The following CCDC73 variants were observed in gnomAD, a reference collection of about 807,000 sequenced individuals.
CCDC73 encodes the protein coiled-coil domain containing 73, also known as coiled-coil domain-containing protein 73.
In CCDC73, 95 loss-of-function variants were observed where a neutral mutation model predicts 116.5. The ratio of observed to expected loss-of-function variants is 0.82; its 90% CI spans 0.69 to 0.97. The LOEUF (loss-of-function observed/expected upper bound fraction) is 0.97. Among genes scored for constraint, CCDC73 ranks in the 50% least tolerant of loss-of-function variants. The pLI is 0.00. For missense variants in CCDC73, 1,066 were observed against 1,206.8 expected (o/e 0.88, Z 1.73); for synonymous variants, 398 against 401.3 (o/e 0.99, Z 0.10).
intron 3 of CCDC73, among the ~76,000 whole-genome samples, chr11:32,704,217 C>T (rs1249463548): frequency 6.6e-6 from 1 of 152,236 alleles, no homozygotes; most frequent in Admixed American, 6.5e-5. Flanking sequence ...TCCCTGCACT[C>T]TGCATTCTCT....
chr11:32,693,568 G>A (rs953086781), intron 6 of CCDC73, among the ~76,000 whole-genome samples: 1 of 152,110 alleles, frequency 6.6e-6, no homozygotes, highest in Non-Finnish European at 1.5e-5. Flanking sequence ...CATTTTATGA[G>A]GCCAGCATCA....
At chr11:32,810,855 G>GCA in the CCDC73 span, among the ~76,000 whole-genome samples, 1 of 152,000 alleles carries the variant, frequency 6.6e-6, no homozygotes, top group Non-Finnish European at 1.5e-5. Flanking sequence ...CTGAGGCCAG[G>GCA]CACAGTGGCT....
intron 3 of CCDC73, among the ~76,000 whole-genome samples, chr11:32,716,995 T>C (rs976999931): frequency 2.6e-5 from 4 of 152,174 alleles, no homozygotes; most frequent in African/African-American, 9.6e-5. Flanking sequence ...TTACCTATTC[T>C]TTCCCTCCAT....
At chr11:32,739,259 C>T (rs11500261) in intron 2 of CCDC73, among the ~76,000 whole-genome samples, 1,579 of 151,942 alleles carry the variant, frequency 0.01, 26 homozygotes, top group African/African-American at 0.036. Context: ...ATTGGCATTG[C>T]TTTAAATTTG....
chr11:32,607,785 G>A lies in CCDC73; in HGVS notation c.3030+3347C>T, dbSNP rs529628211. 6.1e-5 allele frequency among the ~76,000 whole-genome samples: 9 copies of A among 148,688 alleles called. No homozygotes were observed. In the East Asian group the frequency reaches 7.7e-4, roughly 13 times the overall value. ...AAAGGGTGTATTAGTCCGTTCTCAC[G>A]CCGCTAATAAAGATACTGGAGACTG... On this transcript the variant is annotated intron_variant, in intron 17 of 17. Transcript: ENST00000335185.
rs769236573 is a variant in CCDC73 at position 32,614,903 on chromosome 11, T to G, written c.1415A>C (p.Asp472Ala). Reference sequence around the variant, plus strand: ...ATTTTCATCCTGAGAAACAACAGTATCAATTTCATTCTTGAAGCTTTTTTC... The same window carrying G: ...ATTTTCATCCTGAGAAACAACAGTAGCAATTTCATTCTTGAAGCTTTTTTC... ...LFEKSFKNEI[D>A]TVVSQDENQS... Residue 472 changes from aspartate to alanine, a missense_variant, in exon 16 of 18, where the codon GAT (aspartate) becomes GCT (alanine). Coordinates refer to ENST00000335185, the MANE Select transcript of CCDC73 (RefSeq NM_001008391.4). 1.9e-6 allele frequency: 3 copies of G among 1,606,876 alleles called. No individual in the cohort carries two copies. The Admixed American group carries it at 5.1e-5, about 27-fold the overall frequency.
At chr11:32,618,349 T>C (rs1855492792) in intron 14 of CCDC73, among the ~76,000 whole-genome samples, 1 of 152,154 alleles carries the variant, frequency 6.6e-6, no homozygotes. Flanking sequence ...TAAAAGTACA[T>C]GTGTCTTTTT....
At chr11:32,624,385 T>C (rs1221666402) in intron 14 of CCDC73, among the ~76,000 whole-genome samples, 1 of 151,916 alleles carries the variant, frequency 6.6e-6, no homozygotes, top group Non-Finnish European at 1.5e-5. Context: ...GTGAGAAAGC[T>C]CTTTGACCCA....
At chr11:32,731,564 G>A (rs1296574422) in intron 2 of CCDC73, among the ~76,000 whole-genome samples, 1 of 152,202 alleles carries the variant, frequency 6.6e-6, no homozygotes, top group Non-Finnish European at 1.5e-5. Context: ...CTGAGACGAA[G>A]CTTCCAGAGG....
chr11:32,763,727 G>A (rs576422224), intron 1 of CCDC73, among the ~76,000 whole-genome samples: 3 of 152,342 alleles, frequency 2.0e-5, no homozygotes, highest in East Asian at 1.9e-4. Flanking sequence ...CCAACGGAAC[G>A]CAGCTCCTCG....
chr11:32,817,220 G>T, the CCDC73 span, among the ~76,000 whole-genome samples: 15,637 of 152,190 alleles, frequency 0.1, 852 homozygotes, highest in Non-Finnish European at 0.13. Context: ...AAACGTCAAC[G>T]CAATGAACAT....
intron 2 of CCDC73, among the ~76,000 whole-genome samples, chr11:32,732,437 A>G (rs563365653): frequency 4.1e-4 from 62 of 152,158 alleles, no homozygotes; most frequent in Non-Finnish European, 4.6e-4. Flanking sequence ...GATACTCCTC[A>G]TGAAGAGCAA....
upstream of CCDC73, among the ~76,000 whole-genome samples, chr11:32,795,770 A>C (rs138482410): frequency 8.0e-4 from 121 of 151,386 alleles, 1 homozygote; most frequent in African/African-American, 2.9e-3. Flanking sequence ...GCTCACTGCA[A>C]CCTCCGCCTC....
intron 3 of CCDC73, among the ~76,000 whole-genome samples, chr11:32,709,502 G>GTCCA (rs1370501319): frequency 6.6e-6 from 1 of 152,156 alleles, no homozygotes; most frequent in Non-Finnish European, 1.5e-5. Flanking sequence ...TTGCCATGTT[G>GTCCA]TCCAGGCTTG....
chr11:32,711,528 A>G (rs942943247), intron 3 of CCDC73, among the ~76,000 whole-genome samples: 2 of 152,174 alleles, frequency 1.3e-5, no homozygotes, highest in Non-Finnish European at 2.9e-5. Context: ...GCCAAATATC[A>G]TATGTTCTCA....
At chr11:32,769,843 A>T (rs1850476033) in intron 1 of CCDC73, among the ~76,000 whole-genome samples, 1 of 152,222 alleles carries the variant, frequency 6.6e-6, no homozygotes, top group Non-Finnish European at 1.5e-5. Flanking sequence ...TGGTCCCTTC[A>T]TATTGCTGAG....
At chr11:32,670,996 A>G (rs1382364648) in intron 9 of CCDC73, among the ~76,000 whole-genome samples, 1 of 152,314 alleles carries the variant, frequency 6.6e-6, no homozygotes, top group East Asian at 1.9e-4. Context: ...AAGATCTTCC[A>G]CTGAAAAACA....
At chr11:32,716,173 T>C in intron 3 of CCDC73, among the ~76,000 whole-genome samples, 1 of 152,172 alleles carries the variant, frequency 6.6e-6, no homozygotes, top group East Asian at 1.9e-4. Context: ...CAGTTCTAAT[T>C]TACACTGCTA....
At chr11:32,658,376 CA>C in intron 9 of CCDC73, among the ~76,000 whole-genome samples, 1 of 152,084 alleles carries the variant, frequency 6.6e-6, no homozygotes, top group East Asian at 1.9e-4. Flanking sequence ...TAGAGGAAAA[CA>C]AAACCAAAAG....
Sources: allele counts gnomAD v4.1 joint callset (sites outside exome capture counted in the v4.1 genomes callset), GRCh38; gene constraint gnomAD v4.1.1; transcripts MANE v1.5; gene names NCBI Gene and HGNC (gene_info 2026-07-23, HGNC 2026-07-21).